The following IPP variants were observed in gnomAD, a reference collection of about 807,000 sequenced individuals.
IPP encodes intracisternal A particle-promoted polypeptide, also known as actin-binding protein IPP.
Under a neutral mutation model 64.1 loss-of-function variants are expected in IPP, and 41 were observed. The ratio of observed to expected loss-of-function variants is 0.64; its 90% CI spans 0.50 to 0.83. The LOEUF (loss-of-function observed/expected upper bound fraction) is 0.83, where lower values mean the gene tolerates loss of function less well. Among genes scored for constraint, IPP ranks in the 40% least tolerant of loss-of-function variants. The probability of loss-of-function intolerance (pLI) is 0.00; values close to 1 mark genes in which losing one functional copy is unlikely to be tolerated. For synonymous variants in IPP, 214 were observed against 235.2 expected, an observed-to-expected ratio of 0.91 and a Z score of 0.83; for missense variants, 649 against 703.0, an observed-to-expected ratio of 0.92 and a Z score of 0.87.
chr1:45,724,205 A>G (rs1343650173), intron 5 of IPP, among the ~76,000 whole-genome samples: 1 of 152,020 alleles, frequency 6.6e-6, no homozygotes, highest in Non-Finnish European at 1.5e-5. Context: ...GCTGGTCTCC[A>G]GCTCCTAACC....
chr1:45,728,126 C>CTGTGTGTGTG (rs371114917), intron 4 of IPP, among the ~76,000 whole-genome samples: 242 of 132,264 alleles, frequency 1.8e-3, no homozygotes, highest in Middle Eastern at 3.8e-3. Flanking sequence ...GAGTTGAAAG[C>CTGTGTGTGTG]TGTGTGTGTG....
At chr1:45,738,270 T>C (rs1022551916) in intron 3 of IPP, among the ~76,000 whole-genome samples, 1 of 152,178 alleles carries the variant, frequency 6.6e-6, no homozygotes, top group Non-Finnish European at 1.5e-5. Context: ...TCAGCTCTTA[T>C]GCTATAAACA....
downstream of IPP, among the ~76,000 whole-genome samples, chr1:45,695,973 T>C (rs1645385032): frequency 6.6e-6 from 1 of 152,260 alleles, no homozygotes; most frequent in East Asian, 1.9e-4. Flanking sequence ...CCGGCCTGTA[T>C]ATTTTTTAGA....
At chr1:45,722,499 C>T (rs374209068) in intron 5 of IPP, among the ~76,000 whole-genome samples, 20 of 151,846 alleles carry the variant, frequency 1.3e-4, no homozygotes, top group Non-Finnish European at 1.9e-4. Flanking sequence ...GAGTCGACAT[C>T]GCACCACTGC....
chr1:45,719,132 G>A (rs1645698663), intron 6 of IPP, 71 bp downstream of exon 6: 2 of 1,432,986 alleles, frequency 1.4e-6, no homozygotes, highest in East Asian at 2.4e-5. Context: ...TACCTATTAT[G>A]TATCCACAAA....
intron 4 of IPP, among the ~76,000 whole-genome samples, chr1:45,728,713 CT>C (rs1645865931): frequency 2.0e-5 from 3 of 152,104 alleles, no homozygotes; most frequent in Non-Finnish European, 4.4e-5. Flanking sequence ...CTAGACTGGT[CT>C]TGAACTTCTG....
intron 3 of IPP, among the ~76,000 whole-genome samples, chr1:45,740,505 C>A (rs545446479): frequency 8.6e-5 from 13 of 151,552 alleles, no homozygotes; most frequent in African/African-American, 3.1e-4. Context: ...GGGGGGCTGA[C>A]CCCCCCACCT....
In IPP at chr1:45,699,974, C is replaced by T; in HGVS notation, c.1747G>A (p.Val583Met). The T allele has an allele frequency of 6.2e-7, 1 of 1,614,170 alleles. No individual in the cohort carries two copies. Among genetic ancestry groups the T allele is most frequent in the Non-Finnish European group, 8.5e-7 (1 of 1,180,016 alleles). Residue 583 changes from valine to methionine, a missense_variant, in exon 9 of 9, where the codon GTG (valine) becomes ATG (methionine). Val to Met is a conservative substitution (Grantham distance 21, BLOSUM62 1). Transcript: ENST00000396478. ...CTGTTATGCTTTATATTTCATAGCA[C>T]AGCAACGCCCCCTTCACAACGACTG... ...ITSRCEGGVA[V>M]L
At chr1:45,713,676 C>T (rs1460405539) in intron 8 of IPP, among the ~76,000 whole-genome samples, 1 of 152,134 alleles carries the variant, frequency 6.6e-6, no homozygotes, top group African/African-American at 2.4e-5. Context: ...GTGATCCTCC[C>T]ACCTCATCCC....
At chr1:45,734,364 T>G (rs1349717810) in intron 3 of IPP, among the ~76,000 whole-genome samples, 4 of 152,020 alleles carry the variant, frequency 2.6e-5, no homozygotes, top group African/African-American at 9.7e-5. Flanking sequence ...TGTTAACTTA[T>G]AGCAAGATTT....
chr1:45,727,545 T>C, intron 5 of IPP, 86 bp downstream of exon 5: 1 of 577,708 alleles, frequency 1.7e-6, no homozygotes, highest in Non-Finnish European at 2.6e-6. Flanking sequence ...GATATATGTA[T>C]ATCACATAGC....
intron 7 of IPP, among the ~76,000 whole-genome samples, chr1:45,715,370 G>A (rs993547154): frequency 1.3e-5 from 2 of 151,812 alleles, no homozygotes; most frequent in South Asian, 2.1e-4. Flanking sequence ...GGCCGGGCGC[G>A]GTGGCTCACG....
At chr1:45,726,093 AT>A (rs768747112) in intron 5 of IPP, among the ~76,000 whole-genome samples, 266 of 148,514 alleles carry the variant, frequency 1.8e-3, no homozygotes, top group Non-Finnish European at 2.4e-3. Flanking sequence ...AATAAAAAAA[AT>A]AAATAAATAA....
chr1:45,749,284 T>C (rs1387747999), intron 1 of IPP, among the ~76,000 whole-genome samples: 1 of 152,214 alleles, frequency 6.6e-6, no homozygotes, highest in Non-Finnish European at 1.5e-5. Context: ...TAACTGCTGA[T>C]ACCATCCCAC....
intron 3 of IPP, among the ~76,000 whole-genome samples, chr1:45,739,326 T>C (rs114502010): frequency 6.6e-6 from 1 of 151,732 alleles, no homozygotes; most frequent in Non-Finnish European, 1.5e-5. Flanking sequence ...CTTGACCTCC[T>C]GGACTCAGGT....
At chr1:45,711,755 A>C (rs983928465) in intron 8 of IPP, among the ~76,000 whole-genome samples, 4 of 147,778 alleles carry the variant, frequency 2.7e-5, no homozygotes, top group Admixed American at 6.7e-5. Context: ...CTCTGTCACA[A>C]AAAAAAAAAA....
At chr1:45,707,743 TAC>T (rs1259814557) in intron 8 of IPP, among the ~76,000 whole-genome samples, 1 of 152,108 alleles carries the variant, frequency 6.6e-6, no homozygotes, top group East Asian at 1.9e-4. Flanking sequence ...TGGGTGGTCT[TAC>T]ATATATATAT....
chr1:45,718,494 C>G (rs1364403628), intron 6 of IPP, among the ~76,000 whole-genome samples: 1 of 152,168 alleles, frequency 6.6e-6, no homozygotes. Flanking sequence ...CAAGGCTCTG[C>G]CCTGCAGGTG....
downstream of IPP, chr1:45,694,627 T>C: frequency 3.1e-6 from 2 of 653,536 alleles, no homozygotes; most frequent in Non-Finnish European, 5.6e-6. Flanking sequence ...AAAGGATCTA[T>C]GGCTCTAAAG....
Sources: allele counts gnomAD v4.1 joint callset (sites outside exome capture counted in the v4.1 genomes callset), GRCh38; gene constraint gnomAD v4.1.1; transcripts MANE v1.5; gene names NCBI Gene and HGNC (gene_info 2026-07-23, HGNC 2026-07-21).